The following INPP4B variants were observed in gnomAD, a reference collection of about 807,000 sequenced individuals.
INPP4B encodes the protein inositol polyphosphate 4-phosphatase type II.
A neutral mutation model predicts 122.5 loss-of-function variants in INPP4B; 55 were observed. The ratio of observed to expected loss-of-function variants is 0.45; its 90% confidence interval spans 0.36 to 0.56. The LOEUF (loss-of-function observed/expected upper bound fraction) is 0.56, where lower values mean the gene tolerates loss of function less well. Among genes scored for constraint, INPP4B ranks in the 20% least tolerant of loss-of-function variants. The pLI is 0.00. For missense variants in INPP4B, 1,000 were observed against 1,097.7 expected, an observed-to-expected ratio of 0.91 and a Z score of 1.26; for synonymous variants, 403 against 388.7, an observed-to-expected ratio of 1.04 and a Z score of -0.43.
At chr4:142,118,432 G>T (rs1467254748) in intron 21 of INPP4B, among the ~76,000 whole-genome samples, 2 of 152,054 alleles carry the variant, frequency 1.3e-5, no homozygotes, top group Non-Finnish European at 2.9e-5. Flanking sequence ...CATGGTACTG[G>T]TACCAAAACA....
chr4:142,212,714 C>A (rs1273072035), intron 12 of INPP4B, among the ~76,000 whole-genome samples: 1 of 152,156 alleles, frequency 6.6e-6, no homozygotes, highest in Non-Finnish European at 1.5e-5. Flanking sequence ...CACTGCTCCC[C>A]TGACTCCACC....
chr4:142,824,492 A>G lies in INPP4B; in HGVS notation c.-254+21717T>C, dbSNP rs1781212355. Among the ~76,000 whole-genome samples the G allele has an allele frequency of 2.6e-5, 4 of 152,132 alleles. No homozygotes were observed. The South Asian group carries it at 8.3e-4, about 32-fold the overall frequency. On this transcript the variant is annotated intron_variant, in intron 1 of 25. Transcript: ENST00000262992. ...TTAAGTGTTGCCTTCAACCTATTCA[A>G]TTAAATAAGCAATTACTTTAAAATT...
chr4:142,605,730 G>C (rs545702010), intron 2 of INPP4B, among the ~76,000 whole-genome samples: 10 of 151,960 alleles, frequency 6.6e-5, no homozygotes, highest in African/African-American at 2.2e-4. Flanking sequence ...ATTACAGTGA[G>C]ACATCATCTC....
intron 3 of INPP4B, among the ~76,000 whole-genome samples, chr4:142,448,751 C>G (rs902733834): frequency 1.3e-5 from 2 of 152,084 alleles, no homozygotes; most frequent in Non-Finnish European, 2.9e-5. Flanking sequence ...GCAACCAGGT[C>G]CCTGTGCCCA....
intron 8 of INPP4B, among the ~76,000 whole-genome samples, chr4:142,311,020 GA>G (rs1371748603): frequency 6.6e-6 from 1 of 152,006 alleles, no homozygotes; most frequent in East Asian, 1.9e-4. Context: ...TAACATATTT[GA>G]AAGATTATAA....
At chr4:142,423,985 T>G (rs1807502811) in intron 5 of INPP4B, among the ~76,000 whole-genome samples, 1 of 152,028 alleles carries the variant, frequency 6.6e-6, no homozygotes. Flanking sequence ...TAATAAATAA[T>G]GATTTATTGT....
At chr4:142,209,146 C>T (rs1843784441) in intron 12 of INPP4B, 120 bp from the exon 13 acceptor site, 1 of 606,444 alleles carries the variant, frequency 1.6e-6, no homozygotes, top group African/African-American at 1.9e-5. Context: ...CAGGAAAGTT[C>T]TATGAGCTTA....
intron 1 of INPP4B, among the ~76,000 whole-genome samples, chr4:142,806,627 C>A (rs984267007): frequency 6.6e-6 from 1 of 151,408 alleles, no homozygotes; most frequent in African/African-American, 2.4e-5. Flanking sequence ...GCCTGTAGTC[C>A]CAGATGCTCA....
At chr4:142,107,023 G>A (rs1217359835) in intron 23 of INPP4B, among the ~76,000 whole-genome samples, 1 of 151,544 alleles carries the variant, frequency 6.6e-6, no homozygotes, top group Non-Finnish European at 1.5e-5. Flanking sequence ...TAACTTTTCA[G>A]GTAATTAACA....
intron 12 of INPP4B, among the ~76,000 whole-genome samples, chr4:142,219,577 T>A (rs970555784): frequency 1.3e-5 from 2 of 152,238 alleles, no homozygotes; most frequent in African/African-American, 2.4e-5. Flanking sequence ...GTTCATTACA[T>A]GCCTTTTCAT....
intron 2 of INPP4B, among the ~76,000 whole-genome samples, chr4:142,587,456 GA>G (rs1426084847): frequency 6.6e-6 from 1 of 151,160 alleles, no homozygotes; most frequent in African/African-American, 2.4e-5. Context: ...ATAACCTTCT[GA>G]AAAAAAAGTA....
chr4:142,191,222 G>T (rs1430209824), intron 15 of INPP4B, among the ~76,000 whole-genome samples: 1 of 152,100 alleles, frequency 6.6e-6, no homozygotes, highest in Non-Finnish European at 1.5e-5. Context: ...ATATTACAGT[G>T]AGTTCCACGG....
intron 2 of INPP4B, among the ~76,000 whole-genome samples, chr4:142,630,284 A>T (rs1418813204): frequency 1.3e-5 from 2 of 152,140 alleles, no homozygotes; most frequent in East Asian, 3.9e-4. Context: ...CAATGCTTTC[A>T]TACCCAAGCT....
chr4:142,639,878 T>A (rs76542377), intron 2 of INPP4B, among the ~76,000 whole-genome samples: 1,751 of 152,192 alleles, frequency 0.012, 31 homozygotes, highest in African/African-American at 0.032. Flanking sequence ...AAAGTGAAAA[T>A]TCTGTTCACT....
chr4:142,833,603 GA>G (rs35284929), intron 1 of INPP4B, among the ~76,000 whole-genome samples: 3 of 150,052 alleles, frequency 2.0e-5, no homozygotes, highest in African/African-American at 4.9e-5. Flanking sequence ...AATATATGGA[GA>G]AAAAAAAGAC....
chr4:142,272,975 A>G (rs1469904387), intron 9 of INPP4B, among the ~76,000 whole-genome samples: 1 of 152,012 alleles, frequency 6.6e-6, no homozygotes, highest in Non-Finnish European at 1.5e-5. Flanking sequence ...ACTAATCCAA[A>G]TAATGCACCT....
intron 2 of INPP4B, among the ~76,000 whole-genome samples, chr4:142,683,635 G>C (rs879410632): frequency 4.6e-5 from 7 of 151,404 alleles, no homozygotes; most frequent in Admixed American, 4.0e-4. Flanking sequence ...GGTTTCATGG[G>C]AGACAACCCC....
At chr4:142,593,892 G>A (rs201706870) in intron 2 of INPP4B, among the ~76,000 whole-genome samples, 8 of 150,220 alleles carry the variant, frequency 5.3e-5, no homozygotes, top group Admixed American at 1.3e-4. Context: ...ACACACACAC[G>A]CACAGGATCA....
intron 1 of INPP4B, among the ~76,000 whole-genome samples, chr4:142,796,664 C>T (rs1777279880): frequency 6.6e-6 from 1 of 151,934 alleles, no homozygotes; most frequent in Non-Finnish European, 1.5e-5. Context: ...GAGCTCTTTC[C>T]TCAGATTTAA....
Sources: allele counts gnomAD v4.1 joint callset (sites outside exome capture counted in the v4.1 genomes callset), GRCh38; gene constraint gnomAD v4.1.1; transcripts MANE v1.5; gene names NCBI Gene and HGNC (gene_info 2026-07-23, HGNC 2026-07-21).